Variants in SUSD4 observed in about 807,000 individuals in gnomAD.
SUSD4 encodes sushi domain-containing protein 4.
Under a neutral mutation model 50.5 loss-of-function variants are expected in SUSD4, and 41 were observed. That is an observed-to-expected ratio of 0.81 (90% CI 0.63 to 1.05). The LOEUF is 1.05. Ranked by LOEUF, SUSD4 falls within the 50% of genes least tolerant of loss-of-function variation. SUSD4 has a pLI of 0.00. For missense variants in SUSD4, 580 were observed against 634.7 expected, an observed-to-expected ratio of 0.91 and a Z score of 0.93; for synonymous variants, 257 against 257.3, an observed-to-expected ratio of 1.00 and a Z score of 0.01.
chr1:223,256,996 A>T (rs1661741021), intron 5 of SUSD4, among the ~76,000 whole-genome samples: 1 of 152,214 alleles, frequency 6.6e-6, no homozygotes, highest in South Asian at 2.1e-4. Context: ...AGGAGAGATC[A>T]TGAAATAAAC....
chr1:223,239,084 C>A (rs758871824), intron 5 of SUSD4, among the ~76,000 whole-genome samples: 5 of 151,980 alleles, frequency 3.3e-5, no homozygotes, highest in African/African-American at 7.2e-5. Flanking sequence ...ATGTAATGCT[C>A]TTCTTTATCA....
At chr1:223,290,441 T>C (rs1664416192) in intron 3 of SUSD4, among the ~76,000 whole-genome samples, 1 of 152,150 alleles carries the variant, frequency 6.6e-6, no homozygotes, top group Non-Finnish European at 1.5e-5. Flanking sequence ...AAATTACCAT[T>C]CAAATTAAAA....
Position 223,351,292 on chromosome 1 carries a change from T to C in SUSD4, c.148+11986A>G, listed in dbSNP as rs1264182657. On this transcript the variant is annotated intron_variant, in intron 2 of 8. Transcript: ENST00000366878. ...AAATTTTCATATGTTGGTGAAAGGA[T>C]ATGAGGGAGCACAACATCTAAAGTA... Among the ~76,000 whole-genome samples, 3 of 152,300 alleles carry C rather than the reference T, an allele frequency of 2.0e-5. No homozygotes were observed. In the East Asian group the frequency reaches 5.8e-4, roughly 29 times the overall value.
intron 6 of SUSD4, among the ~76,000 whole-genome samples, chr1:223,228,187 G>A (rs1405888554): frequency 6.6e-6 from 1 of 152,194 alleles, no homozygotes; most frequent in African/African-American, 2.4e-5. Context: ...GGGGACCCCT[G>A]TTCCACAGCT....
chr1:223,254,469 C>T (rs2103050353), intron 5 of SUSD4, among the ~76,000 whole-genome samples: 1 of 152,156 alleles, frequency 6.6e-6, no homozygotes, highest in Non-Finnish European at 1.5e-5. Context: ...AGGCAAGGTG[C>T]TGAGACAGGA....
intron 3 of SUSD4, among the ~76,000 whole-genome samples, chr1:223,270,596 G>C (rs543215389): frequency 6.6e-6 from 1 of 152,060 alleles, no homozygotes; most frequent in Non-Finnish European, 1.5e-5. Flanking sequence ...TTGAGACAGA[G>C]TCTCACTCTG....
chr1:223,304,074 C>A (rs1665362505), intron 2 of SUSD4, among the ~76,000 whole-genome samples: 1 of 152,204 alleles, frequency 6.6e-6, no homozygotes, highest in African/African-American at 2.4e-5. Flanking sequence ...CCTAGAAGAG[C>A]CGTGGCAAGA....
intron 4 of SUSD4, among the ~76,000 whole-genome samples, chr1:223,268,040 T>TATATATATATATATATATATATATAC (rs1558197215): frequency 3.7e-5 from 3 of 81,276 alleles, no homozygotes; most frequent in Non-Finnish European, 9.5e-5. Flanking sequence ...TATATATATA[T>TATATATATATATATATATATATATAC]ATACACACAC....
Position 223,222,218 on chromosome 1 carries a change from T to C in SUSD4, c.1447A>G (p.Ile483Val), listed in dbSNP as rs1294094875. ...TAGGGATCTTCTTCCATTAGAGGAA[T>C]CTCTGTAAAAGAAGAGACGGTTATT... ...TSPGIDIADE[I>V]PLMEEDP is the part of the protein sequence containing the mutation. Residue 483 changes from isoleucine to valine, a missense_variant and splice_region_variant, in exon 9 of 9, where the codon ATT becomes GTT. By Grantham distance (29) the Ile-to-Val change is conservative (BLOSUM62 3). Coordinates refer to ENST00000366878, the MANE Select transcript of SUSD4 (RefSeq NM_017982.4). The C allele has an allele frequency of 1.2e-6, 2 of 1,613,570 alleles. No individual in the cohort carries two copies. The highest frequency in any genetic ancestry group is 1.3e-5 in the African/African-American group (1 of 74,908).
chr1:223,282,771 T>C (rs1043191651), intron 3 of SUSD4, among the ~76,000 whole-genome samples: 1 of 152,182 alleles, frequency 6.6e-6, no homozygotes, highest in Non-Finnish European at 1.5e-5. Context: ...AAAAAGAGCC[T>C]GCATTGCCAA....
intron 5 of SUSD4, chr1:223,264,077 GC>G (rs1318649253): frequency 1.0e-6 from 1 of 985,340 alleles, no homozygotes; most frequent in Non-Finnish European, 1.2e-6. Context: ...GCCAGTGGAA[GC>G]CCTGTCCTTC....
At chr1:223,226,500 G>A (rs1286925860) in intron 7 of SUSD4, among the ~76,000 whole-genome samples, 1 of 152,222 alleles carries the variant, frequency 6.6e-6, no homozygotes, top group African/African-American at 2.4e-5. Context: ...TGAGGTGTGA[G>A]GTTAAGGGCA....
rs1659633252 is a variant in SUSD4 at position 223,227,968 on chromosome 1, G to A, written c.917-230C>T. On this transcript the variant is annotated intron_variant, in intron 6 of 8. Transcript: ENST00000366878. This position sits in a 1 kb window ranked among gnomAD's most constrained non-coding sequence, Gnocchi z 4.5. ...CCAGCATGGGCTCTGCCAGGTTGCAGACCTGCATGCTCACATTCCAGTCCC... is the reference window on the plus strand; with the variant it reads ...CCAGCATGGGCTCTGCCAGGTTGCAAACCTGCATGCTCACATTCCAGTCCC... Among the ~76,000 whole-genome samples the A allele has an allele frequency of 6.6e-6, 1 of 152,228 alleles. No individual in the cohort carries two copies. The highest frequency in any genetic ancestry group is 1.5e-5 in the Non-Finnish European group (1 of 68,028).
intron 2 of SUSD4, among the ~76,000 whole-genome samples, chr1:223,299,652 T>C (rs1430116675): frequency 6.6e-6 from 1 of 152,066 alleles, no homozygotes; most frequent in Admixed American, 6.5e-5. Flanking sequence ...TGTTTCTGGA[T>C]GAGATGAACA....
rs570818350 is a variant in SUSD4 at position 223,268,862 on chromosome 1, C to T, written c.362-187G>A. Among the ~76,000 whole-genome samples, 57 of 152,178 alleles carry T rather than the reference C, an allele frequency of 3.7e-4. 1 individual carries two copies. The highest frequency in any genetic ancestry group is 7.7e-4 in the East Asian group (4 of 5,172). On this transcript the variant is annotated intron_variant, in intron 3 of 8. Transcript: ENST00000366878. ...AGAAGAGGTGGCTTCACGGGAGTAA[C>T]GAGAAGGTGGCTCAAAAAGAGGGAC...
chr1:223,264,696 C>A lies in SUSD4; in HGVS notation c.658G>T (p.Ala220Ser). Residue 220 changes from alanine (A) to serine (S), a missense_variant, in exon 5 of 9, where the codon GCG becomes TCG. Coordinates refer to ENST00000366878, the MANE Select transcript of SUSD4 (RefSeq NM_017982.4). ...AGGTTTTGTAAGCACTCAAGATACG[C>A]AGACCCATCAAGTTTAAATCCGGGA... ...CFPGFKLDGSAYLECLQNLIW... is the reference protein window; with the variant it reads ...CFPGFKLDGSSYLECLQNLIW... The A allele has an allele frequency of 6.2e-7, 1 of 1,614,212 alleles. No individual in the cohort carries two copies.
intron 2 of SUSD4, among the ~76,000 whole-genome samples, chr1:223,326,092 C>T (rs1856932): frequency 0.94 from 142,418 of 152,242 alleles, 67,342 homozygotes; most frequent in East Asian, 1. Flanking sequence ...ATTACCAGAC[C>T]TCAAATTATA....
chr1:223,226,761 T>G (rs938727489), intron 7 of SUSD4, among the ~76,000 whole-genome samples: 1 of 152,220 alleles, frequency 6.6e-6, no homozygotes, highest in Admixed American at 6.5e-5. Flanking sequence ...GACTCTGACA[T>G]GGCCACAGAA....
chr1:223,351,513 G>T (rs919459410), intron 2 of SUSD4, among the ~76,000 whole-genome samples: 8 of 152,164 alleles, frequency 5.3e-5, no homozygotes, highest in African/African-American at 1.9e-4. Flanking sequence ...AGAACACAGA[G>T]ATTTCCTGGA....
Sources: gnomAD v4.1 joint callset for allele counts (sites outside exome capture counted in the v4.1 genomes callset) on GRCh38, gnomAD v4.1.1 for gene constraint, Gnocchi (gnomAD v3.1) non-coding constraint, MANE v1.5 for transcripts, NCBI Gene and HGNC (gene_info 2026-07-23, HGNC 2026-07-21) for gene names.